METTL8: variants seen among roughly 807,000 people sequenced by gnomAD.
METTL8 encodes the protein tRNA N(3)-cytidine methyltransferase METTL8, mitochondrial.
Under a neutral mutation model 48.7 loss-of-function variants are expected in METTL8, and 32 were observed. That is an observed-to-expected ratio of 0.66 (90% CI 0.50 to 0.88). The LOEUF (loss-of-function observed/expected upper bound fraction) is 0.88. Ranked by LOEUF, METTL8 falls within the 40% of genes least tolerant of loss-of-function variation. The probability of loss-of-function intolerance (pLI) is 0.00; values close to 1 mark genes in which losing one functional copy is unlikely to be tolerated. For synonymous variants in METTL8, 136 were observed against 157.1 expected (o/e 0.87, Z 1.01); for missense variants, 464 against 474.4 (o/e 0.98, Z 0.20).
intron 3 of METTL8, among the ~76,000 whole-genome samples, chr2:171,354,337 C>T (rs1035434488): frequency 3.3e-5 from 5 of 152,246 alleles, no homozygotes; most frequent in African/African-American, 4.8e-5. Flanking sequence ...CGCTGTTAGT[C>T]TGATGGGTTA....
rs73976145 is a variant in METTL8 at position 171,331,043 on chromosome 2, A to G, written c.721-345T>C. ...GGTTCTGTTTGGACTACGATTATTC[A>G]TGGGCAGGCATACATTCTAAATTTT... On this transcript the variant is annotated intron_variant, in intron 6 of 9. Transcript: ENST00000375258. 5.9e-3 allele frequency among the ~76,000 whole-genome samples: 894 copies of G among 152,262 alleles called. 6 individuals are homozygous for G. Among genetic ancestry groups the G allele is most frequent in the African/African-American group, 0.021 (856 of 41,544 alleles).
At chr2:171,370,333 C>T (rs1686191795) in intron 2 of METTL8, among the ~76,000 whole-genome samples, 1 of 152,072 alleles carries the variant, frequency 6.6e-6, no homozygotes, top group African/African-American at 2.4e-5. Context: ...TGTACTTCCT[C>T]CTGGATCAAC....
In METTL8 at chr2:171,392,038, C is replaced by T; in HGVS notation, c.143+5G>A. ...CATAATATCAGATTTAAAAAGAAAACTCACCACATGTTGTGTTCAAAAACT... is the reference window on the plus strand; with the variant it reads ...CATAATATCAGATTTAAAAAGAAAATTCACCACATGTTGTGTTCAAAAACT... On this transcript the variant is annotated splice_donor_5th_base_variant and intron_variant, in intron 2 of 9. Coordinates refer to ENST00000375258, the MANE Select transcript of METTL8 (RefSeq NM_001321154.2). 1.3e-6 allele frequency: 2 copies of T among 1,545,188 alleles called. No individual in the cohort carries two copies. The highest frequency in any genetic ancestry group is 1.7e-6 in the Non-Finnish European group (2 of 1,145,408).
At chr2:171,380,595 A>G (rs936918006) in intron 2 of METTL8, among the ~76,000 whole-genome samples, 1 of 152,192 alleles carries the variant, frequency 6.6e-6, no homozygotes, top group African/African-American at 2.4e-5. Context: ...GCATTCCTAT[A>G]CACCAACAAT....
intron 3 of METTL8, among the ~76,000 whole-genome samples, chr2:171,341,077 C>T (rs916704287): frequency 4.6e-5 from 7 of 152,128 alleles, no homozygotes; most frequent in Admixed American, 1.3e-4. Context: ...TGCCTGTAAT[C>T]CCAGCACTTT....
At chr2:171,337,379 C>A (rs948292825) in intron 5 of METTL8, 74 bp downstream of exon 5, 32 of 1,137,018 alleles carry the variant, frequency 2.8e-5, no homozygotes, top group Non-Finnish European at 4.0e-5. Context: ...ATACACGTGA[C>A]AATATTTTCC....
chr2:171,402,550 C>G (rs1360900696), intron 1 of METTL8, among the ~76,000 whole-genome samples: 2 of 152,022 alleles, frequency 1.3e-5, no homozygotes, highest in Admixed American at 1.3e-4. Context: ...TCATATTTAG[C>G]TTAATATACA....
intron 1 of METTL8, among the ~76,000 whole-genome samples, chr2:171,393,406 GCAAAA>G (rs1688768712): frequency 2.1e-4 from 1 of 4,858 alleles, no homozygotes; most frequent in Non-Finnish European, 4.8e-4. Flanking sequence ...TTATAAAAAA[GCAAAA>G]AAAAAAAAAA....
chr2:171,372,547 A>G (rs2105505490), intron 2 of METTL8, among the ~76,000 whole-genome samples: 1 of 152,114 alleles, frequency 6.6e-6, no homozygotes, highest in Middle Eastern at 3.4e-3. Context: ...GGTTTGTTAC[A>G]TATGTATACA....
Position 171,317,858 on chromosome 2 carries a change from T to C in METTL8, c.*6314A>G, listed in dbSNP as rs2105368923. The C allele has an allele frequency of 6.6e-6, 1 of 152,366 alleles. No homozygotes were observed. The highest frequency in any genetic ancestry group is 1.9e-4 in the East Asian group (1 of 5,184). The allele number at this position is 152,366 out of a possible 1,614,324, so 9.4% of individuals were successfully genotyped here. The stretch of plus-strand genomic sequence containing the variant: ...CCTGACTTGCCAGAATTAGGGTCAC[T>C]GTGCTCTGAGACACTTTGAGATGAT... On this transcript the variant is annotated 3_prime_UTR_variant, in exon 10 of 10. Coordinates refer to ENST00000375258, the MANE Select transcript of METTL8 (RefSeq NM_001321154.2).
rs564828607 is a variant in METTL8 at position 171,325,802 on chromosome 2, C to A, written c.1033+39G>T. 2.0e-5 allele frequency: 25 copies of A among 1,241,102 alleles called. No homozygotes were observed. In the South Asian group the frequency reaches 3.1e-4, roughly 15 times the overall value. 76.9% of individuals were successfully genotyped at this position (1,241,102 alleles called of 1,614,324 possible). A position where few individuals can be genotyped will look rare whatever the true frequency, so the allele number is the denominator to read the frequency against. On this transcript the variant is annotated intron_variant, in intron 9 of 9. Transcript: ENST00000375258. ...TCAATGAGATAATAACTAACAAGAA[C>A]GATTATGACCAATTATTTCCTTTTG...
chr2:171,434,593 A>C (rs566095351), upstream of METTL8: 231 of 1,527,716 alleles, frequency 1.5e-4, no homozygotes, highest in South Asian at 2.6e-3. Context: ...CCCGACCCGG[A>C]AGCCCAACGT....
intron 1 of METTL8, among the ~76,000 whole-genome samples, chr2:171,397,281 G>A (rs1393734237): frequency 7.2e-6 from 1 of 138,716 alleles, no homozygotes; most frequent in Admixed American, 7.9e-5. Context: ...TGGGAGGGAG[G>A]TCAAGGTGGG....
At chr2:171,348,234 T>C (rs1683499257) in intron 3 of METTL8, among the ~76,000 whole-genome samples, 1 of 152,164 alleles carries the variant, frequency 6.6e-6, no homozygotes, top group South Asian at 2.1e-4. Context: ...GGACAGCTGA[T>C]CAATCTAGAA....
chr2:171,395,882 C>G (rs1161144106), intron 1 of METTL8, among the ~76,000 whole-genome samples: 4 of 152,290 alleles, frequency 2.6e-5, no homozygotes, highest in Middle Eastern at 6.8e-3. Context: ...GAACATCATA[C>G]AGCAATAGCA....
rs2105380586 is a variant in METTL8, at chr2:171,323,816, A to G, written c.*356T>C. On this transcript the variant is annotated 3_prime_UTR_variant, in exon 10 of 10. Coordinates refer to ENST00000375258, the MANE Select transcript of METTL8 (RefSeq NM_001321154.2). The stretch of plus-strand genomic sequence containing the variant: ...TTTGGGAACTGGTTTACTAAGCCTA[A>G]ACAAATAAACAATTTTTTTTACTTG... 1 of 167,762 alleles carries G rather than the reference A, an allele frequency of 6.0e-6. No individual in the cohort carries two copies. The highest frequency in any genetic ancestry group is 2.9e-3 in the Middle Eastern group (1 of 350). 10.4% of individuals were successfully genotyped at this position (167,762 alleles called of 1,614,324 possible).
chr2:171,415,344 G>A (rs866015085), intron 1 of METTL8, among the ~76,000 whole-genome samples: 7 of 144,170 alleles, frequency 4.9e-5, no homozygotes, highest in Middle Eastern at 3.5e-3. Flanking sequence ...AATATATCTC[G>A]AAATCTTTTT....
intron 6 of METTL8, 87 bp from the exon 7 acceptor site, chr2:171,330,785 T>TTATTTA: frequency 9.1e-7 from 1 of 1,096,780 alleles, no homozygotes; most frequent in Non-Finnish European, 1.3e-6. Flanking sequence ...GTCAAATTTT[T>TTATTTA]AACCTTTTCT....
chr2:171,429,882 A>G (rs1019471116), intron 1 of METTL8, among the ~76,000 whole-genome samples: 3 of 152,028 alleles, frequency 2.0e-5, no homozygotes, highest in African/African-American at 7.3e-5. Context: ...TCTACTAAAA[A>G]TACAAAAATT....
Sources: gnomAD v4.1 joint callset for allele counts (sites outside exome capture counted in the v4.1 genomes callset) on GRCh38, gnomAD v4.1.1 for gene constraint, MANE v1.5 for transcripts, NCBI Gene and HGNC (gene_info 2026-07-23, HGNC 2026-07-21) for gene names.